Variants in CDH13 observed in about 807,000 individuals in gnomAD.
The protein encoded by CDH13 is cadherin-13.
A neutral mutation model predicts 63.8 loss-of-function variants in CDH13; 24 were observed. That is an observed-to-expected ratio of 0.38 (90% CI 0.27 to 0.53). CDH13 has a LOEUF of 0.53. CDH13 is among the 20% of genes least tolerant of loss of function. CDH13 has a pLI of 0.85. For synonymous variants in CDH13, 503 were observed against 355.3 expected (o/e 1.42, Z -4.67); for missense variants, 1,049 against 903.1 (o/e 1.16, Z -2.07).
At chr16:83,098,794 T>C (rs2034331377) in intron 3 of CDH13, among the ~76,000 whole-genome samples, 1 of 152,228 alleles carries the variant, frequency 6.6e-6, no homozygotes, top group South Asian at 2.1e-4. Flanking sequence ...TTTATTTTTA[T>C]TAGTGGTTTT....
At chr16:83,250,402 A>G (rs1329395202) in intron 5 of CDH13, among the ~76,000 whole-genome samples, 2 of 152,192 alleles carry the variant, frequency 1.3e-5, no homozygotes, top group Non-Finnish European at 2.9e-5. Flanking sequence ...GTTAGGGAAG[A>G]TAGGATAAAA....
intron 1 of CDH13, among the ~76,000 whole-genome samples, chr16:82,693,508 T>C (rs556923390): frequency 2.1e-4 from 32 of 152,296 alleles, no homozygotes; most frequent in African/African-American, 6.5e-4. Flanking sequence ...AAACATTTAG[T>C]TACTCGCTCT....
chr16:82,705,294 C>G (rs997105192), intron 1 of CDH13: 10 of 377,006 alleles, frequency 2.7e-5, no homozygotes, highest in Middle Eastern at 3.7e-4. Context: ...CCAATATATT[C>G]TTACTTAAGA....
chr16:83,222,098 C>T (rs775276845), intron 5 of CDH13, among the ~76,000 whole-genome samples: 14 of 152,174 alleles, frequency 9.2e-5, no homozygotes, highest in Admixed American at 5.2e-4. Context: ...AACCTTGATA[C>T]GTCTATCACA....
intron 5 of CDH13, among the ~76,000 whole-genome samples, chr16:83,266,223 T>C (rs528364079): frequency 4.6e-5 from 7 of 152,142 alleles, no homozygotes; most frequent in Non-Finnish European, 8.8e-5. Flanking sequence ...CATACAGAAG[T>C]CACTCTCACA....
At chr16:82,845,292 C>G (rs1449514120) in intron 1 of CDH13, among the ~76,000 whole-genome samples, 3 of 152,204 alleles carry the variant, frequency 2.0e-5, no homozygotes, top group African/African-American at 4.8e-5. Context: ...TTCCAATGCA[C>G]TGAGGGCTGT....
chr16:83,658,646 C>T (rs899347247), intron 8 of CDH13, among the ~76,000 whole-genome samples: 1 of 151,256 alleles, frequency 6.6e-6, no homozygotes, highest in African/African-American at 2.4e-5. Context: ...ATGTCCTCAC[C>T]ACCAGGTCCC....
At chr16:83,283,557 C>T (rs530982330) in intron 5 of CDH13, among the ~76,000 whole-genome samples, 5 of 152,182 alleles carry the variant, frequency 3.3e-5, no homozygotes, top group African/African-American at 9.7e-5. Flanking sequence ...CGCTACTGCA[C>T]TCCAGCCTGG....
intron 3 of CDH13, among the ~76,000 whole-genome samples, chr16:83,072,499 G>A (rs946907266): frequency 6.6e-6 from 1 of 152,132 alleles, no homozygotes; most frequent in Admixed American, 6.5e-5. Flanking sequence ...TGTCCTCTCT[G>A]CAACCAGCTG....
rs58189834 is a variant in CDH13 at position 83,564,137 on chromosome 16, C to G, written c.961-38317C>G. Among the ~76,000 whole-genome samples the G allele has an allele frequency of 5.5e-4, 84 of 152,348 alleles. No individual in the cohort carries two copies. The East Asian group carries it at 0.013, about 23-fold the overall frequency. On this transcript the variant is annotated intron_variant, in intron 7 of 13. Transcript: ENST00000567109. The stretch of plus-strand genomic sequence containing the variant: ...GTAAGTGTTCAACATCTGAGAGGCA[C>G]TACTAGTATCAGTAGTACTGTTGGT...
intron 2 of CDH13, among the ~76,000 whole-genome samples, chr16:83,019,331 A>G (rs1206209228): frequency 3.3e-5 from 5 of 152,046 alleles, no homozygotes; most frequent in African/African-American, 4.8e-5. Flanking sequence ...AGGCCTACAC[A>G]AGGTCAGAAT....
intron 2 of CDH13, among the ~76,000 whole-genome samples, chr16:82,958,896 T>TG (rs1906528869): frequency 6.6e-6 from 1 of 152,232 alleles, no homozygotes; most frequent in South Asian, 2.1e-4. Context: ...CCTGGGAAGA[T>TG]GTTAAAGTGG....
At chr16:82,878,739 G>T (rs67974511) in intron 2 of CDH13, among the ~76,000 whole-genome samples, 1 of 151,186 alleles carries the variant, frequency 6.6e-6, no homozygotes, top group African/African-American at 2.4e-5. Context: ...GGAGGTTATT[G>T]AGAATAAAAA....
chr16:83,600,666 T>A (rs555344029), intron 7 of CDH13, among the ~76,000 whole-genome samples: 1 of 152,282 alleles, frequency 6.6e-6, no homozygotes, highest in African/African-American at 2.4e-5. Flanking sequence ...GTAGGACTAT[T>A]TATGTGATTG....
At chr16:83,349,152 G>A (rs1249996687) in intron 6 of CDH13, among the ~76,000 whole-genome samples, 1 of 152,192 alleles carries the variant, frequency 6.6e-6, no homozygotes, top group Admixed American at 6.5e-5. Flanking sequence ...GAACATAATG[G>A]TCTTTGACTT....
chr16:83,750,067 G>A (rs1288807545), intron 11 of CDH13, among the ~76,000 whole-genome samples: 1 of 152,190 alleles, frequency 6.6e-6, no homozygotes, highest in Non-Finnish European at 1.5e-5. Flanking sequence ...GGAGGCTGAG[G>A]TGGGTGGATT....
rs541517053 is a variant in CDH13, at chr16:82,924,994, G to A, written c.157+66521G>A. Among the ~76,000 whole-genome samples the A allele has an allele frequency of 2.0e-5, 3 of 152,146 alleles. No individual in the cohort carries two copies. The East Asian group carries it at 5.8e-4, about 29-fold the overall frequency. ...CGCATGAGACTTTAGAACCGTATACGAATAATACTCTGATTACTGAAGTGG... is the reference window on the plus strand; with the variant it reads ...CGCATGAGACTTTAGAACCGTATACAAATAATACTCTGATTACTGAAGTGG... On this transcript the variant is annotated intron_variant, in intron 2 of 13. Transcript: ENST00000567109.
chr16:82,627,793 C>T (rs936831494), intron 1 of CDH13, among the ~76,000 whole-genome samples: 1 of 152,212 alleles, frequency 6.6e-6, no homozygotes, highest in African/African-American at 2.4e-5. Context: ...CCCGAAAGGG[C>T]CGGAGCGTGT....
At chr16:83,611,526 G>GA (rs1448070348) in intron 8 of CDH13, among the ~76,000 whole-genome samples, 14 of 150,302 alleles carry the variant, frequency 9.3e-5, no homozygotes, top group South Asian at 2.1e-4. Flanking sequence ...TTCTCTATTG[G>GA]GTGTTTCTTT....
Sources: allele counts gnomAD v4.1 joint callset (sites outside exome capture counted in the v4.1 genomes callset), GRCh38; gene constraint gnomAD v4.1.1; transcripts MANE v1.5; gene names NCBI Gene and HGNC (gene_info 2026-07-23, HGNC 2026-07-21).